Variants in TANC2 observed in about 807,000 individuals in gnomAD.
TANC2 encodes the protein tetratricopeptide repeat, ankyrin repeat and coiled-coil containing 2.
TANC2 carries 26 observed loss-of-function variants against 210.5 expected under a neutral mutation model. That is an observed-to-expected ratio of 0.12 (90% CI 0.09 to 0.17). TANC2 has a LOEUF of 0.17. Among genes scored for constraint, TANC2 ranks in the 10% least tolerant of loss-of-function variants. TANC2 has a pLI of 1.00. For synonymous variants in TANC2, 931 were observed against 967.1 expected (o/e 0.96, Z 0.69); for missense variants, 2,129 against 2,608.9 (o/e 0.82, Z 4.01).
intron 4 of TANC2, among the ~76,000 whole-genome samples, chr17:63,128,696 GAGGACTTCTGTATATA>G (rs1170506684): frequency 2.0e-5 from 3 of 152,190 alleles, no homozygotes; most frequent in Non-Finnish European, 4.4e-5. Flanking sequence ...TGTAGGATAA[GAGGACTTCTGTATATA>G]TTACCTTCAT....
chr17:63,377,579 G>A (rs1318748781), intron 14 of TANC2, among the ~76,000 whole-genome samples: 1 of 152,162 alleles, frequency 6.6e-6, no homozygotes, highest in Admixed American at 6.5e-5. Context: ...GTCACCATCA[G>A]CATTTTGGTC....
At chr17:63,005,688 T>A (rs1157551273) in intron 1 of TANC2, among the ~76,000 whole-genome samples, 1 of 152,146 alleles carries the variant, frequency 6.6e-6, no homozygotes. Context: ...TATTTCTGTG[T>A]CTATGTTCAT....
chr17:63,290,933 A>G (rs2044364522), intron 9 of TANC2, among the ~76,000 whole-genome samples: 1 of 152,178 alleles, frequency 6.6e-6, no homozygotes, highest in Non-Finnish European at 1.5e-5. Context: ...CTTAACATGT[A>G]ACATTAGCAA....
intron 2 of TANC2, among the ~76,000 whole-genome samples, chr17:63,073,141 GT>G (rs1390688589): frequency 6.6e-6 from 1 of 151,968 alleles, no homozygotes; most frequent in Non-Finnish European, 1.5e-5. Flanking sequence ...ATTTATAGGT[GT>G]ATAGACCACT....
chr17:63,203,837 C>G (rs543506007), intron 7 of TANC2, among the ~76,000 whole-genome samples: 1 of 152,168 alleles, frequency 6.6e-6, no homozygotes, highest in East Asian at 1.9e-4. Context: ...TAGGGCAGTG[C>G]AATGCCACCA....
At position 63,116,200 on chromosome 17, in the gene TANC2, T is replaced by C. The variant is rs192442655; in HGVS notation, c.322+16843T>C. ...TTCATATAGAACTACCCTATATAAA[T>C]AGATGAAATATCATAGCATCAGTGA... On this transcript the variant is annotated intron_variant, in intron 4 of 27. Transcript: ENST00000689528. 5.0e-4 allele frequency among the ~76,000 whole-genome samples: 76 copies of C among 152,326 alleles called. 1 individual carries two copies. Among genetic ancestry groups the C allele is most frequent in the Non-Finnish European group, 5.4e-4 (37 of 68,024 alleles).
At chr17:63,359,025 TAA>T (rs1410163584) in intron 14 of TANC2, among the ~76,000 whole-genome samples, 7 of 150,480 alleles carry the variant, frequency 4.7e-5, no homozygotes, top group Non-Finnish European at 5.9e-5. Flanking sequence ...TGCCAGAGAT[TAA>T]AAGACTACTG....
intron 11 of TANC2, among the ~76,000 whole-genome samples, chr17:63,322,203 C>T (rs556491078): frequency 1.4e-4 from 22 of 152,116 alleles, no homozygotes; most frequent in African/African-American, 3.1e-4. Flanking sequence ...CCTGTGTAAA[C>T]GGTCTCTATC....
chr17:63,287,465 G>A (rs2044258791), intron 9 of TANC2, among the ~76,000 whole-genome samples: 1 of 151,972 alleles, frequency 6.6e-6, no homozygotes, highest in Non-Finnish European at 1.5e-5. Flanking sequence ...TTGGTTATCT[G>A]ATGTTGTGAA....
At chr17:63,271,181 T>C (rs867980307) in intron 9 of TANC2, among the ~76,000 whole-genome samples, 7 of 152,146 alleles carry the variant, frequency 4.6e-5, no homozygotes, top group African/African-American at 1.7e-4. Flanking sequence ...ATATACCCAG[T>C]GATTTCACTG....
At chr17:63,026,240 C>G (rs1272851682) in intron 2 of TANC2, among the ~76,000 whole-genome samples, 1 of 152,166 alleles carries the variant, frequency 6.6e-6, no homozygotes, top group East Asian at 1.9e-4. Flanking sequence ...GCTTTATTAT[C>G]TGTCTTTCCT....
At chr17:63,072,553 A>T (rs1394807170) in intron 2 of TANC2, among the ~76,000 whole-genome samples, 2 of 152,088 alleles carry the variant, frequency 1.3e-5, no homozygotes, top group Non-Finnish European at 2.9e-5. Context: ...ATTTATATTT[A>T]AAAAGTATTT....
At chr17:63,181,593 T>A (rs1029880758) in intron 5 of TANC2, among the ~76,000 whole-genome samples, 1 of 152,238 alleles carries the variant, frequency 6.6e-6, no homozygotes, top group Non-Finnish European at 1.5e-5. Context: ...CTGTGGGCCC[T>A]ACTTGTCAAT....
intron 9 of TANC2, among the ~76,000 whole-genome samples, chr17:63,268,230 G>A (rs1250442007): frequency 6.6e-6 from 1 of 152,142 alleles, no homozygotes; most frequent in Non-Finnish European, 1.5e-5. Flanking sequence ...CATATTGCAG[G>A]TGAACTGTGC....
At chr17:63,376,013 G>T (rs553925511) in intron 14 of TANC2, among the ~76,000 whole-genome samples, 1 of 151,134 alleles carries the variant, frequency 6.6e-6, no homozygotes, top group South Asian at 2.1e-4. Context: ...CTTGAACGTG[G>T]GAAGTGGAGG....
intron 2 of TANC2, among the ~76,000 whole-genome samples, chr17:63,027,877 A>G (rs1380198601): frequency 1.3e-5 from 2 of 152,128 alleles, no homozygotes; most frequent in African/African-American, 4.8e-5. Flanking sequence ...TCAGTAACCA[A>G]AAATTTGACC....
intron 5 of TANC2, among the ~76,000 whole-genome samples, chr17:63,191,599 A>G (rs1286591378): frequency 6.6e-6 from 1 of 151,790 alleles, no homozygotes; most frequent in Non-Finnish European, 1.5e-5. Context: ...AGTAGCTGGG[A>G]CCACAGGCGC....
intron 12 of TANC2, among the ~76,000 whole-genome samples, chr17:63,343,746 C>T (rs1048532221): frequency 2.6e-5 from 4 of 151,776 alleles, no homozygotes; most frequent in African/African-American, 9.7e-5. Context: ...TCAACAACAA[C>T]ACCAGCAGGC....
At chr17:63,088,455 TC>T (rs1406736110) in intron 3 of TANC2, 11 of 152,224 alleles carry the variant, frequency 7.2e-5, no homozygotes, top group Non-Finnish European at 1.6e-4. Context: ...ATATTAAAGT[TC>T]CTGCTCAAGA....
Sources: allele counts gnomAD v4.1 joint callset (sites outside exome capture counted in the v4.1 genomes callset), GRCh38; gene constraint gnomAD v4.1.1; transcripts MANE v1.5; gene names NCBI Gene and HGNC (gene_info 2026-07-23, HGNC 2026-07-21).